Variants in TMEM143 observed in about 807,000 individuals in gnomAD.
The protein encoded by TMEM143 is transmembrane protein 143.
TMEM143 carries 45 observed loss-of-function variants against 40.3 expected under a neutral mutation model. The ratio of observed to expected loss-of-function variants is 1.12; its 90% CI spans 0.88 to 1.43. The LOEUF (loss-of-function observed/expected upper bound fraction) is 1.43, where lower values mean the gene tolerates loss of function less well. TMEM143 is among the 40% of genes most tolerant of loss of function. TMEM143 has a pLI of 0.00. For synonymous variants in TMEM143, 299 were observed against 282.7 expected, an observed-to-expected ratio of 1.06 and a Z score of -0.58; for missense variants, 620 against 613.4, an observed-to-expected ratio of 1.01 and a Z score of -0.11.
chr19:48,356,002 T>G (rs945244375), intron 3 of TMEM143, among the ~76,000 whole-genome samples: 2 of 152,250 alleles, frequency 1.3e-5, no homozygotes, highest in African/African-American at 2.4e-5. Context: ...TGCTTGCGTG[T>G]TGTCACACAT....
At position 48,342,840 on chromosome 19, in the gene TMEM143, A is replaced by T. The variant is rs759581635; in HGVS notation, c.696-31T>A. 16 of 1,572,856 alleles carry T rather than the reference A, an allele frequency of 1.0e-5. No individual in the cohort carries two copies. The East Asian group carries it at 3.6e-4, about 35-fold the overall frequency. On this transcript the variant is annotated intron_variant, in intron 5 of 7. Transcript: ENST00000293261. ...GGACAGAGACAGAGGCAGGAGCAGG[A>T]TCGGGACTGCACTGCCCGGGGAGCC...
chr19:48,358,366 A>G (rs8105420), intron 3 of TMEM143, among the ~76,000 whole-genome samples: 118,204 of 151,244 alleles, frequency 0.78, 46,267 homozygotes, highest in Admixed American at 0.85. Flanking sequence ...CCTGGGCAGC[A>G]GAGTGAGACT....
intron 3 of TMEM143, among the ~76,000 whole-genome samples, chr19:48,356,484 G>A (rs1969900599): frequency 7.0e-6 from 1 of 143,600 alleles, no homozygotes; most frequent in Admixed American, 7.2e-5. Flanking sequence ...GCTGGATAGT[G>A]CAGTGGCAAA....
chr19:48,334,248 C>A, intron 6 of TMEM143, 51 bp from the exon 7 acceptor site: 1 of 1,521,840 alleles, frequency 6.6e-7, no homozygotes, highest in South Asian at 1.2e-5. Context: ...CGCCCCCACC[C>A]ATACACAGCC....
intron 6 of TMEM143, among the ~76,000 whole-genome samples, chr19:48,340,286 C>CTGGTGTGAATTGGGTTTGAAATAGGGT: frequency 6.6e-6 from 1 of 151,696 alleles, no homozygotes; most frequent in Non-Finnish European, 1.5e-5. Flanking sequence ...GCCACCATGC[C>CTGGTGTGAATTGGGTTTGAAATAGGGT]CAGCTAATTT....
At chr19:48,337,456 A>C (rs1005084814) in intron 6 of TMEM143, among the ~76,000 whole-genome samples, 9 of 151,970 alleles carry the variant, frequency 5.9e-5, no homozygotes, top group Non-Finnish European at 1.0e-4. Flanking sequence ...CTGAGGCAGG[A>C]GAATGGCTTG....
At chr19:48,336,114 G>A (rs941766428) in intron 6 of TMEM143, among the ~76,000 whole-genome samples, 8 of 152,166 alleles carry the variant, frequency 5.3e-5, no homozygotes, top group Non-Finnish European at 7.3e-5. Context: ...AGATGCAGTG[G>A]CTGACACCTG....
chr19:48,362,756 T>C (rs964669473), intron 2 of TMEM143, among the ~76,000 whole-genome samples: 1 of 152,148 alleles, frequency 6.6e-6, no homozygotes, highest in African/African-American at 2.4e-5. Flanking sequence ...CAGACCACTT[T>C]GGTTCAAATC....
intron 6 of TMEM143, among the ~76,000 whole-genome samples, chr19:48,341,432 C>T (rs1013980149): frequency 6.6e-6 from 1 of 152,160 alleles, no homozygotes; most frequent in African/African-American, 2.4e-5. Context: ...CAATTCAGTC[C>T]ACTAGGACTG....
In TMEM143 at chr19:48,348,784, C is replaced by T. The variant is rs1969701798; in HGVS notation, c.370-3430G>A. Among the ~76,000 whole-genome samples the T allele has an allele frequency of 4.6e-5, 7 of 152,312 alleles. No homozygotes were observed. In the South Asian group the frequency reaches 1.4e-3, roughly 32 times the overall value. ...ATCTCCTGCTAAAACCCTCCCAAGG[C>T]TTCTACTGCCCTCGGGAATCAGGAT... On this transcript the variant is annotated intron_variant, in intron 3 of 7. Coordinates refer to ENST00000293261, the MANE Select transcript of TMEM143 (RefSeq NM_018273.4).
intron 3 of TMEM143, among the ~76,000 whole-genome samples, chr19:48,350,111 C>T (rs370428847): frequency 2.7e-4 from 41 of 150,932 alleles, no homozygotes; most frequent in South Asian, 1.0e-3. Context: ...AGTGATTCTC[C>T]TGCCTCAGAC....
At position 48,333,922 on chromosome 19, in the gene TMEM143, G is replaced by T; in HGVS notation, c.1165+86C>A. On this transcript the variant is annotated intron_variant, in intron 7 of 7. Coordinates refer to ENST00000293261, the MANE Select transcript of TMEM143 (RefSeq NM_018273.4). This position sits in a 1 kb window ranked among gnomAD's most constrained non-coding sequence, Gnocchi z 4.1. ...GCAAACCCGTCAGGTTCACCCGTGG[G>T]AACTGGGGGTGGGGACGCATCTCGC... 7.3e-7 allele frequency: 1 copy of T among 1,377,696 alleles called. No individual in the cohort carries two copies. The highest frequency in any genetic ancestry group is 9.6e-7 in the Non-Finnish European group (1 of 1,041,558). The allele number at this position is 1,377,696 out of a possible 1,614,324, so 85.3% of individuals were successfully genotyped here. A position where few individuals can be genotyped will look rare whatever the true frequency, so the allele number is the denominator to read the frequency against.
chr19:48,356,546 C>T (rs527591311), intron 3 of TMEM143, among the ~76,000 whole-genome samples: 1 of 151,216 alleles, frequency 6.6e-6, no homozygotes, highest in East Asian at 1.9e-4. Flanking sequence ...TCTCCTGCCT[C>T]AGCCTCCCAA....
Position 48,333,281 on chromosome 19 carries a change from C to A in TMEM143, c.1318G>T (p.Asp440Tyr). 4 of 1,561,970 alleles carry A rather than the reference C, an allele frequency of 2.6e-6. No homozygotes were observed. Among genetic ancestry groups the A allele is most frequent in the Non-Finnish European group, 3.5e-6 (4 of 1,146,230 alleles). The change falls in exon 8 of 8, where the codon GAC becomes TAC. Residue 440 changes from aspartate (D) to tyrosine (Y), a missense_variant. Asp to Tyr is a radical substitution (Grantham distance 160). Transcript: ENST00000293261. This position sits in a 1 kb window ranked among gnomAD's most constrained non-coding sequence, Gnocchi z 4.1. ...LYPPPGFPKLDPVAPITSEPP... is the reference protein window; with the variant it reads ...LYPPPGFPKLYPVAPITSEPP... ...TCGGAAGTGATCGGAGCCACTGGGT[C>A]TAGTTTGGGGAAACCCGGGGGTGGG...
At chr19:48,352,255 A>AAAAAAAAAAAC (rs1271099227) in intron 3 of TMEM143, among the ~76,000 whole-genome samples, 1 of 148,198 alleles carries the variant, frequency 6.7e-6, no homozygotes, top group Non-Finnish European at 1.5e-5. Flanking sequence ...TCAAAAAAAA[A>AAAAAAAAAAAC]AAAAAAACAC....
At chr19:48,359,712 T>A (rs1364891186) in intron 3 of TMEM143, among the ~76,000 whole-genome samples, 1 of 152,032 alleles carries the variant, frequency 6.6e-6, no homozygotes, top group Non-Finnish European at 1.5e-5. Context: ...TTTCACCGTG[T>A]TAGCCAGGAT....
intron 6 of TMEM143, among the ~76,000 whole-genome samples, chr19:48,339,431 C>T (rs142434329): frequency 5.7e-4 from 87 of 152,278 alleles, no homozygotes; most frequent in African/African-American, 1.8e-3. Context: ...AAGAGGGCCC[C>T]ATACTCCGCA....
chr19:48,355,147 G>C (rs1201408144), intron 3 of TMEM143, among the ~76,000 whole-genome samples: 2 of 151,810 alleles, frequency 1.3e-5, no homozygotes, highest in African/African-American at 4.8e-5. Flanking sequence ...TGATTCTCAT[G>C]CCTCAGCTTC....
chr19:48,342,483 G>A (rs1236005545), intron 6 of TMEM143, 47 bp downstream of exon 6: 1 of 1,547,478 alleles, frequency 6.5e-7, no homozygotes, highest in South Asian at 1.2e-5. Context: ...GCCTGACCTG[G>A]TCCCCACAGC....
Sources: gnomAD v4.1 joint callset for allele counts (sites outside exome capture counted in the v4.1 genomes callset) on GRCh38, gnomAD v4.1.1 for gene constraint, Gnocchi (gnomAD v3.1) non-coding constraint, MANE v1.5 for transcripts, NCBI Gene and HGNC (gene_info 2026-07-23, HGNC 2026-07-21) for gene names.